ZFYVE16: variants seen among roughly 807,000 people sequenced by gnomAD.
ZFYVE16 encodes zinc finger FYVE-type containing 16, also known as zinc finger FYVE domain-containing protein 16.
ZFYVE16 carries 89 observed loss-of-function variants against 138.1 expected under a neutral mutation model. The observed-to-expected ratio is 0.64, with a 90% CI of 0.54 to 0.77. ZFYVE16 has a LOEUF of 0.77. ZFYVE16 is among the 30% of genes least tolerant of loss of function. ZFYVE16 has a pLI of 0.00. For missense variants in ZFYVE16, 1,793 were observed against 1,786.7 expected, an observed-to-expected ratio of 1.00 and a Z score of -0.06; for synonymous variants, 596 against 618.3, an observed-to-expected ratio of 0.96 and a Z score of 0.53.
chr5:80,445,921 A>G (rs1464737297), intron 7 of ZFYVE16, among the ~76,000 whole-genome samples: 2 of 133,104 alleles, frequency 1.5e-5, no homozygotes, highest in African/African-American at 2.9e-5. Flanking sequence ...TTTTTTTGAG[A>G]TGGAGTTTCT....
rs1203311827 is a variant in ZFYVE16 at position 80,479,292 on chromosome 5, ATAC to A, written c.*1920_*1922del. On this transcript the variant is annotated 3_prime_UTR_variant, in exon 19 of 19. Transcript: ENST00000505560. ...ATCTATTTTTGGCTTATGTCTTTTA[ATAC>A]TACTCTCTTTCTCTGAATTTTGAAA... 2.0e-5 allele frequency: 3 copies of A among 152,206 alleles called. No homozygotes were observed. Among genetic ancestry groups the A allele is most frequent in the Admixed American group, 2.0e-4 (3 of 15,278 alleles). 9.4% of individuals were successfully genotyped at this position (152,206 alleles called of 1,614,324 possible). A position where few individuals can be genotyped will look rare whatever the true frequency, so the allele number is the denominator to read the frequency against.
At chr5:80,431,235 C>A (rs1374087970) in intron 2 of ZFYVE16, among the ~76,000 whole-genome samples, 1 of 152,178 alleles carries the variant, frequency 6.6e-6, no homozygotes, top group Non-Finnish European at 1.5e-5. Context: ...AAAAGCTTAT[C>A]CACCGTGATC....
intron 5 of ZFYVE16, chr5:80,440,829 C>T: frequency 1.0e-6 from 1 of 985,162 alleles, no homozygotes; most frequent in Non-Finnish European, 1.2e-6. Flanking sequence ...TGTGCACTAG[C>T]TCAGGCACTG....
chr5:80,421,767 C>T (rs1323620668), intron 1 of ZFYVE16, among the ~76,000 whole-genome samples: 12 of 151,982 alleles, frequency 7.9e-5, no homozygotes, highest in Admixed American at 2.0e-4. Flanking sequence ...AGGACTGTCT[C>T]GGCAATGCGG....
chr5:80,439,139 A>G, intron 4 of ZFYVE16, 132 bp downstream of exon 4: 2 of 971,510 alleles, frequency 2.1e-6, no homozygotes, highest in South Asian at 1.8e-5. Context: ...TTCATCTACC[A>G]GTCAGGGAAA....
chr5:80,464,096 C>CAA, intron 15 of ZFYVE16, among the ~76,000 whole-genome samples: 1 of 152,282 alleles, frequency 6.6e-6, no homozygotes, highest in African/African-American at 2.4e-5. Context: ...CCACCCTCTG[C>CAA]CTGTTACCAA....
intron 8 of ZFYVE16, 121 bp downstream of exon 8, chr5:80,448,525 A>C: frequency 4.2e-6 from 4 of 958,116 alleles, no homozygotes; most frequent in Non-Finnish European, 4.1e-6. Context: ...TAAGGCTGGT[A>C]ACTTTTGTTT....
intron 1 of ZFYVE16, among the ~76,000 whole-genome samples, chr5:80,410,988 G>T (rs971633797): frequency 4.6e-5 from 7 of 150,892 alleles, no homozygotes; most frequent in African/African-American, 1.7e-4. Flanking sequence ...AGTTTTTTGA[G>T]ATGGAGTCTC....
Position 80,438,811 on chromosome 5 carries a change from A to G in ZFYVE16, c.2126A>G (p.Glu709Gly). Residue 709 changes from glutamate to glycine, a missense_variant, in exon 4 of 19, where the codon GAA becomes GGA. By Grantham distance (98) the Glu-to-Gly change is moderately conservative. This residue lies in a region of ZFYVE16 where 1,295 missense variants were observed against 1,204.3 expected (regional missense o/e 1.08). Transcript: ENST00000505560. ...VSFNSNYIDI[E>G]SNSEGGSSFV... The stretch of plus-strand genomic sequence containing the variant: ...TTCAACTCTAATTACATTGATATAG[A>G]AAGTAATTCTGAAGGTGGATCTAGT... 1 of 1,614,112 alleles carries G rather than the reference A, an allele frequency of 6.2e-7. No homozygotes were observed. The highest frequency in any genetic ancestry group is 8.5e-7 in the Non-Finnish European group (1 of 1,179,970).
chr5:80,438,711 A>G lies in ZFYVE16; in HGVS notation c.2026A>G (p.Ser676Gly), dbSNP rs781728663. ...GCCAGATGTTCCAGATACAATAGAA[A>G]GTGAACCCAGCACAGCAGATACCGT... ...NKPDVPDTIESEPSTADTVVP... is the reference protein window; with the variant it reads ...NKPDVPDTIEGEPSTADTVVP... Residue 676 changes from serine (S) to glycine (G), a missense_variant, in exon 4 of 19, where the codon AGT (serine) becomes GGT (glycine). Transcript: ENST00000505560. The G allele has an allele frequency of 2.5e-6, 4 of 1,614,180 alleles. No homozygotes were observed. Among genetic ancestry groups the G allele is most frequent in the Admixed American group, 1.7e-5 (1 of 60,014 alleles).
Position 80,427,814 on chromosome 5 carries a change from G to T in ZFYVE16, c.-40+269G>T, listed in dbSNP as rs148191694. ...TGAAACCCCCACTCTTCTAAAAAAG[G>T]TTCAAAAGTTAACTGAGCCTGGTGG... On this transcript the variant is annotated intron_variant, in intron 2 of 18. Coordinates refer to ENST00000505560, the MANE Select transcript of ZFYVE16 (RefSeq NM_001284236.3). Among the ~76,000 whole-genome samples, 921 of 150,452 alleles carry T rather than the reference G, an allele frequency of 6.1e-3. 10 individuals carry two copies. Among genetic ancestry groups the T allele is most frequent in the African/African-American group, 0.021 (850 of 41,132 alleles).
At chr5:80,413,012 A>G (rs1745670794) in intron 1 of ZFYVE16, among the ~76,000 whole-genome samples, 1 of 151,158 alleles carries the variant, frequency 6.6e-6, no homozygotes, top group African/African-American at 2.4e-5. Context: ...TTGTCTCCAC[A>G]AAAAATAAAC....
chr5:80,430,837 A>G (rs542093554), intron 2 of ZFYVE16, among the ~76,000 whole-genome samples: 22 of 152,252 alleles, frequency 1.4e-4, no homozygotes, highest in Non-Finnish European at 2.9e-4. Context: ...TAGGAAATCT[A>G]GAAGAAATGG....
intron 2 of ZFYVE16, among the ~76,000 whole-genome samples, chr5:80,429,916 C>A (rs904533820): frequency 3.3e-5 from 5 of 152,160 alleles, no homozygotes; most frequent in African/African-American, 7.2e-5. Flanking sequence ...GCACCCAATA[C>A]AGGAGCACCC....
intron 15 of ZFYVE16, among the ~76,000 whole-genome samples, chr5:80,469,402 G>A (rs1286585653): frequency 6.6e-6 from 1 of 150,818 alleles, no homozygotes; most frequent in Non-Finnish European, 1.5e-5. Context: ...CACCATGCTT[G>A]GCTAATTAAA....
In ZFYVE16 at chr5:80,438,936, C is replaced by T. The variant is rs773480630; in HGVS notation, c.2251C>T (p.Pro751Ser). ...TACTTGGGTTCCTGATTCAGAAGCTCCAAACTGTATGAACTGCCAAGTCAA... is the reference window on the plus strand; with the variant it reads ...TACTTGGGTTCCTGATTCAGAAGCTTCAAACTGTATGAACTGCCAAGTCAA... ...QPTWVPDSEAPNCMNCQVKFT... is the reference protein window; with the variant it reads ...QPTWVPDSEASNCMNCQVKFT... The change falls in exon 4 of 19, where the codon CCA becomes TCA. Residue 751 changes from proline (P) to serine (S), a missense_variant. By Grantham distance (74) the Pro-to-Ser change is moderately conservative. Coordinates refer to ENST00000505560, the MANE Select transcript of ZFYVE16 (RefSeq NM_001284236.3). The T allele has an allele frequency of 2.4e-5, 39 of 1,613,902 alleles. No homozygotes were observed. The highest frequency in any genetic ancestry group is 5.0e-5 in the Admixed American group (3 of 59,980).
intron 15 of ZFYVE16, among the ~76,000 whole-genome samples, chr5:80,462,919 A>T (rs914191508): frequency 5.3e-5 from 8 of 152,112 alleles, no homozygotes; most frequent in Admixed American, 4.6e-4. Flanking sequence ...ATCTCCTTTG[A>T]CTCCATGTCT....
At chr5:80,440,659 TG>T (rs1750583289) in intron 5 of ZFYVE16, 1 of 674,274 alleles carries the variant, frequency 1.5e-6, no homozygotes, top group Non-Finnish European at 1.7e-6. Flanking sequence ...TTCTCACAGG[TG>T]TGTGTGTGTG....
chr5:80,429,756 G>T lies in ZFYVE16; in HGVS notation c.-40+2211G>T, dbSNP rs1336387823. Reference sequence around the variant, plus strand: ...GGCTCAAAATAAAGGGATGGAAAAAGATATACCAAACACATAAAAAAGGCA... The same window carrying T: ...GGCTCAAAATAAAGGGATGGAAAAATATATACCAAACACATAAAAAAGGCA... On this transcript the variant is annotated intron_variant, in intron 2 of 18. Coordinates refer to ENST00000505560, the MANE Select transcript of ZFYVE16 (RefSeq NM_001284236.3). 1.3e-5 allele frequency among the ~76,000 whole-genome samples: 2 copies of T among 152,124 alleles called. 1 individual carries two copies. The highest frequency in any genetic ancestry group is 4.8e-5 in the African/African-American group (2 of 41,536).
Sources: allele counts gnomAD v4.1 joint callset (sites outside exome capture counted in the v4.1 genomes callset), GRCh38; gene constraint gnomAD v4.1.1; regional missense constraint gnomAD v4.1.1; transcripts MANE v1.5; gene names NCBI Gene and HGNC (gene_info 2026-07-23, HGNC 2026-07-21).